The following P4HA3 variants were observed in gnomAD, a reference collection of about 807,000 sequenced individuals.
P4HA3 encodes the protein prolyl 4-hydroxylase subunit alpha-3.
Under a neutral mutation model 66.7 loss-of-function variants are expected in P4HA3, and 60 were observed. The observed-to-expected ratio is 0.90, with a 90% CI of 0.73 to 1.12. The LOEUF (loss-of-function observed/expected upper bound fraction) is 1.12, where lower values mean the gene tolerates loss of function less well. P4HA3 is among the 50% of genes most tolerant of loss of function. The pLI, the probability that P4HA3 is intolerant of heterozygous loss-of-function variation, is 0.00. For synonymous variants in P4HA3, 263 were observed against 274.6 expected (o/e 0.96, Z 0.42); for missense variants, 683 against 685.8 (o/e 1.00, Z 0.05).
intron 15 of P4HA3, among the ~76,000 whole-genome samples, chr11:74,255,150 TC>T (rs1181435518): frequency 6.6e-6 from 1 of 152,324 alleles, no homozygotes; most frequent in East Asian, 1.9e-4. Context: ...GGAAACTTGC[TC>T]CCCATGAAAC....
intron 2 of P4HA3, among the ~76,000 whole-genome samples, chr11:74,303,784 A>G (rs1861492120): frequency 1.3e-5 from 2 of 151,682 alleles, no homozygotes; most frequent in Non-Finnish European, 2.9e-5. Flanking sequence ...GGGTTTCACT[A>G]TGTTGGTTAG....
At chr11:74,256,939 C>G (rs1041298553) in intron 15 of P4HA3, among the ~76,000 whole-genome samples, 1 of 152,110 alleles carries the variant, frequency 6.6e-6, no homozygotes, top group African/African-American at 2.4e-5. Flanking sequence ...TAAGCAAACC[C>G]GAGCACCCAA....
intron 15 of P4HA3, chr11:74,251,286 C>A (rs1859653044): frequency 1.5e-6 from 2 of 1,360,808 alleles, no homozygotes; most frequent in Admixed American, 3.1e-5. Flanking sequence ...CTCCAATACC[C>A]CCAAAAGCCA....
At position 74,267,199 on chromosome 11, in the gene P4HA3, GCTT is replaced by G; in HGVS notation, c.*46_*48del. The G allele has an allele frequency of 6.2e-7, 1 of 1,612,890 alleles. No homozygotes were observed. Among genetic ancestry groups the G allele is most frequent in the Non-Finnish European group, 8.5e-7 (1 of 1,179,786 alleles). On this transcript the variant is annotated 3_prime_UTR_variant, in exon 13 of 13. Coordinates refer to ENST00000331597, the MANE Select transcript of P4HA3 (RefSeq NM_182904.5). ...CTCCTACCCCAGCTTTTGGCTCCTG[GCTT>G]CTCTGGAAAGCCACAGGACTCCACC...
At chr11:74,300,923 A>G (rs1459514975) in intron 3 of P4HA3, among the ~76,000 whole-genome samples, 1 of 152,328 alleles carries the variant, frequency 6.6e-6, no homozygotes, top group South Asian at 2.1e-4. Context: ...TTAGAATGGA[A>G]TACTACTCAG....
intron 15 of P4HA3, among the ~76,000 whole-genome samples, chr11:74,259,625 C>G (rs1382631369): frequency 6.6e-6 from 1 of 152,204 alleles, no homozygotes; most frequent in African/African-American, 2.4e-5. Flanking sequence ...AAGCTCTATT[C>G]TGCTTTTGGT....
At chr11:74,287,142 A>G in intron 5 of P4HA3, 3 of 1,227,458 alleles carry the variant, frequency 2.4e-6, no homozygotes, top group Non-Finnish European at 3.1e-6. Flanking sequence ...TGGCTGCAAG[A>G]TGCCCCATGC....
Position 74,311,461 on chromosome 11 carries a change from G to A in P4HA3, c.151C>T (p.Leu51=). The A allele has an allele frequency of 1.3e-6, 2 of 1,536,618 alleles. No individual in the cohort carries two copies. Among genetic ancestry groups the A allele is most frequent in the East Asian group, 4.9e-5 (2 of 40,436 alleles). ...LAPERRLLGL[L]RRYLRGEEAR... is the part of the protein sequence containing the mutation. ...TCCTCCCCGCGCAGGTACCGCCTCA[G>A]CAGCCCCAGCAGCCGGCGCTCGGGC... is the stretch of plus-strand genomic sequence containing the variant. The change falls in exon 1 of 13, where the codon CTG becomes TTG. Residue 51 remains leucine, a synonymous_variant. Transcript: ENST00000331597.
intron 10 of P4HA3, 70 bp from the exon 11 acceptor site, chr11:74,269,790 C>T (rs890567242): frequency 2.1e-6 from 3 of 1,424,468 alleles, no homozygotes; most frequent in Non-Finnish European, 2.9e-6. Context: ...TATGATGTCA[C>T]ATCTGCATAG....
chr11:74,264,365 C>T (rs117109701), downstream of P4HA3, among the ~76,000 whole-genome samples: 328 of 152,238 alleles, frequency 2.2e-3, 1 homozygote, highest in Non-Finnish European at 4.1e-3. Context: ...ACAGCATGCC[C>T]CCTAATACAT....
intron 11 of P4HA3, among the ~76,000 whole-genome samples, chr11:74,269,439 A>T (rs1860111530): frequency 6.6e-6 from 1 of 152,232 alleles, no homozygotes; most frequent in Non-Finnish European, 1.5e-5. Context: ...TTGCAATATA[A>T]GTGTAAATAA....
intron 5 of P4HA3, among the ~76,000 whole-genome samples, chr11:74,286,601 G>C (rs552551570): frequency 1.3e-5 from 2 of 152,264 alleles, no homozygotes; most frequent in African/African-American, 4.8e-5. Flanking sequence ...CTTGATCCTG[G>C]TAGATCTGAA....
In P4HA3 at chr11:74,311,601, C is replaced by T; in HGVS notation, c.11G>A (p.Gly4Glu). The change falls in exon 1 of 13, where the codon GGG becomes GAG. Residue 4 changes from glycine to glutamate, a missense_variant. Transcript: ENST00000331597. ...CGCCAGCAGCGCCGCCAGCCGCGCC[C>T]CAGGACCCATAGCCAGCGCTCGCGA... The part of the protein sequence containing the change: MGP[G>E]ARLAALLAVL... The T allele has an allele frequency of 1.3e-6, 2 of 1,524,024 alleles. No individual in the cohort carries two copies. Among genetic ancestry groups the T allele is most frequent in the Non-Finnish European group, 1.7e-6 (2 of 1,147,316 alleles). 94.4% of individuals were successfully genotyped at this position (1,524,024 alleles called of 1,614,324 possible).
At chr11:74,270,224 A>G (rs1346184530) in intron 10 of P4HA3, among the ~76,000 whole-genome samples, 1 of 152,214 alleles carries the variant, frequency 6.6e-6, no homozygotes. Flanking sequence ...TAATCTCACA[A>G]CCTATAATGG....
intron 10 of P4HA3, among the ~76,000 whole-genome samples, chr11:74,272,339 T>C (rs1241418230): frequency 1.3e-5 from 2 of 152,116 alleles, no homozygotes; most frequent in African/African-American, 2.4e-5. Flanking sequence ...ATAGGAGATA[T>C]TGAGGGGATA....
chr11:74,262,684 C>G (rs1489739317), downstream of P4HA3, among the ~76,000 whole-genome samples: 2 of 152,178 alleles, frequency 1.3e-5, no homozygotes, highest in African/African-American at 4.8e-5. Flanking sequence ...GTTTCCTCCC[C>G]CTAGCCCTTA....
intron 4 of P4HA3, among the ~76,000 whole-genome samples, chr11:74,294,665 A>AC (rs1861153269): frequency 6.6e-6 from 1 of 152,144 alleles, no homozygotes; most frequent in Admixed American, 6.5e-5. Context: ...CTTCTAACAG[A>AC]CAGGACCCTC....
At chr11:74,290,229 G>A (rs1257227597) in intron 4 of P4HA3, among the ~76,000 whole-genome samples, 5 of 152,138 alleles carry the variant, frequency 3.3e-5, no homozygotes, top group Non-Finnish European at 7.3e-5. Flanking sequence ...TTTTTTGGCT[G>A]CATAAATGTC....
intron 7 of P4HA3, among the ~76,000 whole-genome samples, chr11:74,282,542 T>A (rs1262057732): frequency 6.6e-6 from 1 of 151,674 alleles, no homozygotes; most frequent in Non-Finnish European, 1.5e-5. Context: ...CCGGGGGAGA[T>A]GTGGTAGAAG....
Sources: gnomAD v4.1 joint callset for allele counts (sites outside exome capture counted in the v4.1 genomes callset) on GRCh38, gnomAD v4.1.1 for gene constraint, MANE v1.5 for transcripts, NCBI Gene and HGNC (gene_info 2026-07-23, HGNC 2026-07-21) for gene names.